The following LHFPL3 variants were observed in gnomAD, a reference collection of about 807,000 sequenced individuals.
LHFPL3 encodes LHFPL tetraspan subfamily member 3, also known as LHFPL tetraspan subfamily member 3 protein.
Under a neutral mutation model 19.3 loss-of-function variants are expected in LHFPL3, and 5 were observed. The observed-to-expected ratio is 0.26, with a 90% confidence interval of 0.14 to 0.54. The LOEUF is 0.54. Among genes scored for constraint, LHFPL3 ranks in the 20% least tolerant of loss-of-function variants. LHFPL3 has a pLI of 0.94. For synonymous variants in LHFPL3, 133 were observed against 126.2 expected, an observed-to-expected ratio of 1.05 and a Z score of -0.36; for missense variants, 249 against 307.4, an observed-to-expected ratio of 0.81 and a Z score of 1.42.
intron 1 of LHFPL3, among the ~76,000 whole-genome samples, chr7:104,689,556 A>C (rs1470563637): frequency 6.6e-6 from 1 of 152,188 alleles, no homozygotes; most frequent in African/African-American, 2.4e-5. Flanking sequence ...TGGAGGGGAC[A>C]CTGGGTCCCC....
chr7:104,874,645 G>A (rs552212939), intron 2 of LHFPL3, among the ~76,000 whole-genome samples: 17 of 152,180 alleles, frequency 1.1e-4, no homozygotes, highest in African/African-American at 3.9e-4. Context: ...CTGACCTCAG[G>A]TGATCTGCCC....
intron 2 of LHFPL3, among the ~76,000 whole-genome samples, chr7:104,881,320 G>T (rs1485777937): frequency 6.6e-6 from 1 of 152,160 alleles, no homozygotes; most frequent in African/African-American, 2.4e-5. Context: ...GTGATTCATA[G>T]AAGTTAATAA....
intron 2 of LHFPL3, among the ~76,000 whole-genome samples, chr7:104,763,504 G>A (rs889447002): frequency 3.9e-5 from 6 of 152,218 alleles, no homozygotes; most frequent in Admixed American, 1.3e-4. Flanking sequence ...AGTAGAGACC[G>A]CGTTACTCAG....
At chr7:104,768,825 T>C (rs1285762896) in intron 2 of LHFPL3, 1 of 152,212 alleles carries the variant, frequency 6.6e-6, no homozygotes, top group South Asian at 2.1e-4. Context: ...AAATCCTTCA[T>C]ACAAATGTTA....
intron 2 of LHFPL3, among the ~76,000 whole-genome samples, chr7:104,743,060 G>T (rs1019759204): frequency 6.6e-6 from 1 of 152,194 alleles, no homozygotes. Context: ...GGCAGAGGTT[G>T]CAGTGAGCAG....
chr7:104,851,790 C>T (rs1001447075), intron 2 of LHFPL3, among the ~76,000 whole-genome samples: 2 of 152,096 alleles, frequency 1.3e-5, no homozygotes, highest in South Asian at 4.1e-4. Context: ...AGAGACTTGG[C>T]GCTGAAGCTC....
At chr7:104,610,621 C>G (rs1389867332) in intron 1 of LHFPL3, among the ~76,000 whole-genome samples, 1 of 152,022 alleles carries the variant, frequency 6.6e-6, no homozygotes, top group Non-Finnish European at 1.5e-5. Context: ...AATGTCTCAG[C>G]TCAATGACAG....
intron 1 of LHFPL3, among the ~76,000 whole-genome samples, chr7:104,652,420 T>TA (rs1792049477): frequency 6.6e-6 from 1 of 152,198 alleles, no homozygotes; most frequent in Non-Finnish European, 1.5e-5. Flanking sequence ...GTTTTATTGA[T>TA]ATATAATAGT....
At chr7:104,539,453 T>A (rs1794445294) in intron 1 of LHFPL3, among the ~76,000 whole-genome samples, 1 of 152,200 alleles carries the variant, frequency 6.6e-6, no homozygotes, top group Non-Finnish European at 1.5e-5. Context: ...GTTTAGGGCA[T>A]AAAACTTAAT....
chr7:104,828,727 G>C (rs370093995), intron 2 of LHFPL3, among the ~76,000 whole-genome samples: 41 of 152,100 alleles, frequency 2.7e-4, no homozygotes, highest in African/African-American at 8.5e-4. Flanking sequence ...GAAGGTAAGA[G>C]GGAAATAAAG....
intron 1 of LHFPL3, among the ~76,000 whole-genome samples, chr7:104,589,742 T>A (rs1015858510): frequency 3.3e-5 from 5 of 152,200 alleles, no homozygotes; most frequent in African/African-American, 1.2e-4. Context: ...CATCTGGTCC[T>A]GGACTTTTTT....
chr7:104,870,931 G>T (rs1033111069), intron 2 of LHFPL3, among the ~76,000 whole-genome samples: 1 of 152,178 alleles, frequency 6.6e-6, no homozygotes, highest in African/African-American at 2.4e-5. Flanking sequence ...GCAGTGGGGG[G>T]CACTCTATAG....
At chr7:104,729,072 T>C (rs1203761806) in intron 1 of LHFPL3, among the ~76,000 whole-genome samples, 1 of 152,234 alleles carries the variant, frequency 6.6e-6, no homozygotes. Flanking sequence ...GGAAATTGAA[T>C]ATCAGTATTC....
intron 1 of LHFPL3, among the ~76,000 whole-genome samples, chr7:104,581,133 C>T (rs1790452432): frequency 1.3e-5 from 2 of 151,952 alleles, no homozygotes; most frequent in African/African-American, 4.8e-5. Flanking sequence ...TCCATTTTTA[C>T]ACTCCCCTCA....
chr7:104,638,212 G>A (rs539043693), intron 1 of LHFPL3, among the ~76,000 whole-genome samples: 1 of 152,256 alleles, frequency 6.6e-6, no homozygotes, highest in South Asian at 2.1e-4. Flanking sequence ...GTATAAGAAT[G>A]CTACTGATTT....
At chr7:104,370,357 G>A (rs557088298) in intron 1 of LHFPL3, among the ~76,000 whole-genome samples, 1 of 152,088 alleles carries the variant, frequency 6.6e-6, no homozygotes, top group Non-Finnish European at 1.5e-5. Flanking sequence ...TGGGAAGATC[G>A]AGTGTCCTTT....
intron 1 of LHFPL3, among the ~76,000 whole-genome samples, chr7:104,358,238 G>C (rs148690277): frequency 6.6e-6 from 1 of 152,148 alleles, no homozygotes; most frequent in Non-Finnish European, 1.5e-5. Flanking sequence ...TAGTATGGCC[G>C]TACAATATTG....
At chr7:104,596,212 A>T (rs1301220409) in intron 1 of LHFPL3, among the ~76,000 whole-genome samples, 1 of 152,200 alleles carries the variant, frequency 6.6e-6, no homozygotes, top group East Asian at 1.9e-4. Flanking sequence ...TTTTTATCAC[A>T]TGAGATGCAG....
chr7:104,365,751 G>A lies in LHFPL3; in HGVS notation c.445+36527G>A, dbSNP rs147189919. On this transcript the variant is annotated intron_variant, in intron 1 of 2. Coordinates refer to ENST00000424859, the MANE Select transcript of LHFPL3 (RefSeq NM_199000.3). The stretch of plus-strand genomic sequence containing the variant: ...AGCCGAGATTGCGCCACTGCAGTCC[G>A]CAGTCCGGCCTGGGCGACAGAGCGA... Among the ~76,000 whole-genome samples the A allele has an allele frequency of 5.0e-3, 675 of 134,760 alleles. 5 individuals are homozygous for A. The highest frequency in any genetic ancestry group is 0.018 in the African/African-American group (630 of 35,948). 88.4% of individuals were successfully genotyped at this position (134,760 alleles called of 152,430 possible). A position where few individuals can be genotyped will look rare whatever the true frequency, so the allele number is the denominator to read the frequency against.
Sources: gnomAD v4.1 joint callset for allele counts (sites outside exome capture counted in the v4.1 genomes callset) on GRCh38, gnomAD v4.1.1 for gene constraint, MANE v1.5 for transcripts, NCBI Gene and HGNC (gene_info 2026-07-23, HGNC 2026-07-21) for gene names.